Variants in ATXN3 observed in about 807,000 individuals in gnomAD.
ATXN3 encodes ataxin-3.
A neutral mutation model predicts 58.2 loss-of-function variants in ATXN3; 28 were observed. The observed-to-expected ratio is 0.48, with a 90% confidence interval of 0.36 to 0.66. ATXN3 has a LOEUF of 0.66. Among genes scored for constraint, ATXN3 ranks in the 30% least tolerant of loss-of-function variants. The pLI is 0.00. For missense variants in ATXN3, 321 were observed against 422.1 expected, an observed-to-expected ratio of 0.76 and a Z score of 2.10; for synonymous variants, 113 against 138.5, an observed-to-expected ratio of 0.82 and a Z score of 1.29.
At chr14:92,077,710 A>C (rs2060668091) in intron 9 of ATXN3, 1 of 150,334 alleles carries the variant, frequency 6.7e-6, no homozygotes, top group Non-Finnish European at 1.5e-5. Context: ...CAGTGGCACA[A>C]TCTCGGCTCA....
intron 9 of ATXN3, among the ~76,000 whole-genome samples, chr14:92,073,238 G>T (rs1184745122): frequency 6.6e-6 from 1 of 152,226 alleles, no homozygotes; most frequent in African/African-American, 2.4e-5. Context: ...TTGAAACAAT[G>T]TAGACACCTT....
chr14:92,058,678 A>G lies in ATXN3; in HGVS notation c.*5642T>C, dbSNP rs1432918680. 6.6e-6 allele frequency: 1 copy of G among 152,250 alleles called. No homozygotes were observed. Among genetic ancestry groups the G allele is most frequent in the African/African-American group, 2.4e-5 (1 of 41,470 alleles). The allele number at this position is 152,250 out of a possible 1,614,324, so 9.4% of individuals were successfully genotyped here. ...TGGAAGCCCGGCTTTTCTAACGACC[A>G]GACAGGAAGGCCTGTGTGTGTAATA... On this transcript the variant is annotated 3_prime_UTR_variant, in exon 11 of 11. Coordinates refer to ENST00000644486, the MANE Select transcript of ATXN3 (RefSeq NM_004993.6).
At chr14:92,098,420 T>C (rs1407898525) in intron 1 of ATXN3, among the ~76,000 whole-genome samples, 2 of 152,118 alleles carry the variant, frequency 1.3e-5, no homozygotes, top group Non-Finnish European at 2.9e-5. Flanking sequence ...AAACCTCGTC[T>C]CTACTAAAAA....
At position 92,083,157 on chromosome 14, in the gene ATXN3, C is replaced by A; in HGVS notation, c.577G>T (p.Gly193Ter). 1 of 1,612,744 alleles carries A rather than the reference C, an allele frequency of 6.2e-7. No individual in the cohort carries two copies. Among genetic ancestry groups the A allele is most frequent in the Non-Finnish European group, 8.5e-7 (1 of 1,179,736 alleles). Residue 193 changes from glycine to a stop codon, truncating the protein, a stop_gained, in exon 7 of 11, where the codon GGA becomes TGA. Coordinates refer to ENST00000644486, the MANE Select transcript of ATXN3 (RefSeq NM_004993.6). LOFTEE classifies it high-confidence loss of function. ...TCTTTTAGTTGTGCTAATTCTTCTCCAATAAGTTTTGGTCGATGCATCTGT... is the reference window on the plus strand; with the variant it reads ...TCTTTTAGTTGTGCTAATTCTTCTCAAATAAGTTTTGGTCGATGCATCTGT... ...VQQMHRPKLI[G>*]EELAQLKEQR...
At chr14:92,075,101 T>C (rs144263831) in intron 9 of ATXN3, among the ~76,000 whole-genome samples, 1 of 152,082 alleles carries the variant, frequency 6.6e-6, no homozygotes, top group African/African-American at 2.4e-5. Context: ...GGAAAAAATG[T>C]CATGGCTTGA....
At position 92,066,473 on chromosome 14, in the gene ATXN3, T is replaced by C. The variant is rs2058420784; in HGVS notation, c.992-2059A>G. ...AAATTACTTCTTTTATCATTTCTTT[T>C]CTGTTTAGAGAAATTCCTTTAGCCA... On this transcript the variant is annotated intron_variant, in intron 10 of 10. Coordinates refer to ENST00000644486, the MANE Select transcript of ATXN3 (RefSeq NM_004993.6). Among the ~76,000 whole-genome samples the C allele has an allele frequency of 3.3e-5, 5 of 151,370 alleles. No homozygotes were observed. In the South Asian group the frequency reaches 1.0e-3, roughly 32 times the overall value.
upstream of ATXN3, among the ~76,000 whole-genome samples, chr14:92,050,798 G>A (rs1314654744): frequency 6.6e-6 from 1 of 152,134 alleles, no homozygotes; most frequent in Non-Finnish European, 1.5e-5. Flanking sequence ...TTACAAACGT[G>A]CACCACCACA....
intron 1 of ATXN3, 61 bp downstream of exon 1, chr14:92,106,468 T>C (rs1245689396): frequency 2.6e-5 from 42 of 1,608,248 alleles, no homozygotes; most frequent in Non-Finnish European, 2.4e-5. Flanking sequence ...GAGGCGGTGA[T>C]GCCGCGCTCC....
chr14:92,080,422 A>C (rs948142353), intron 9 of ATXN3: 2 of 153,284 alleles, frequency 1.3e-5, no homozygotes, highest in Non-Finnish European at 2.9e-5. Flanking sequence ...TTCTTTTAAT[A>C]AATGAAATTT....
chr14:92,065,302 T>A (rs1260530198), intron 10 of ATXN3, among the ~76,000 whole-genome samples: 1 of 152,244 alleles, frequency 6.6e-6, no homozygotes, highest in Non-Finnish European at 1.5e-5. Context: ...TTCTTTTTAA[T>A]CCTGACAGTA....
chr14:92,097,889 A>C (rs1361951834), intron 1 of ATXN3, among the ~76,000 whole-genome samples: 1 of 152,158 alleles, frequency 6.6e-6, no homozygotes, highest in Non-Finnish European at 1.5e-5. Context: ...TAACATAGGT[A>C]CATGCATTTT....
chr14:92,106,336 G>A (rs892499041), intron 1 of ATXN3, among the ~76,000 whole-genome samples, 193 bp downstream of exon 1: 9 of 151,754 alleles, frequency 5.9e-5, no homozygotes, highest in Non-Finnish European at 1.0e-4. Context: ...CGGGGGCCGC[G>A]GGGGAAGTAG....
chr14:92,080,337 A>G (rs1329034416), intron 9 of ATXN3, among the ~76,000 whole-genome samples: 3 of 152,144 alleles, frequency 2.0e-5, no homozygotes, highest in Admixed American at 6.5e-5. Flanking sequence ...GGAATTTTGC[A>G]GGGTTAATCA....
rs1454006579 is a variant in ATXN3 at position 92,061,573 on chromosome 14, TA to T, written c.*2746del. The T allele has an allele frequency of 7.2e-5, 11 of 152,332 alleles. No individual in the cohort carries two copies. The highest frequency in any genetic ancestry group is 6.5e-4 in the Admixed American group (10 of 15,302). 9.4% of individuals were successfully genotyped at this position (152,332 alleles called of 1,614,324 possible). On this transcript the variant is annotated 3_prime_UTR_variant, in exon 11 of 11. Transcript: ENST00000644486. The stretch of plus-strand genomic sequence containing the variant: ...TTATACATTAGAAAAATGATACCAA[TA>T]GTTTAAATATTAAACATTAAGATGT...
chr14:92,073,210 G>A (rs563330768), intron 9 of ATXN3, among the ~76,000 whole-genome samples: 36 of 152,310 alleles, frequency 2.4e-4, no homozygotes, highest in African/African-American at 8.2e-4. Context: ...AAAATGAGAA[G>A]TAAATCAATT....
At position 92,096,692 on chromosome 14, in the gene ATXN3, A is replaced by C; in HGVS notation, c.171T>G (p.Asp57Glu). Residue 57 changes from aspartate to glutamate, a missense_variant, in exon 2 of 11, where the codon GAT (aspartate) becomes GAG (glutamate). Physicochemically the swap from Asp to Glu is conservative, Grantham distance 45 (BLOSUM62 2). Coordinates refer to ENST00000644486, the MANE Select transcript of ATXN3 (RefSeq NM_004993.6). ...RMAEGGVTSEDYRTFLQQPSG... is the reference protein window; with the variant it reads ...RMAEGGVTSEEYRTFLQQPSG... The stretch of plus-strand genomic sequence containing the variant: ...TCAGTACCTGTAAAAACGTGCGATA[A>C]TCTTCACTAGTAACTCCTCCTTCTG... 1 of 1,613,094 alleles carries C rather than the reference A, an allele frequency of 6.2e-7. No homozygotes were observed. Among genetic ancestry groups the C allele is most frequent in the Non-Finnish European group, 8.5e-7 (1 of 1,179,830 alleles).
At chr14:92,093,491 G>T in intron 4 of ATXN3, 173 bp from the exon 5 acceptor site, 1 of 619,748 alleles carries the variant, frequency 1.6e-6, no homozygotes. Flanking sequence ...GCAGCTTAGT[G>T]ATGCTGTGCC....
At position 92,061,438 on chromosome 14, in the gene ATXN3, C is replaced by T. The variant is rs1388118320; in HGVS notation, c.*2882G>A. The T allele has an allele frequency of 6.6e-6, 1 of 152,096 alleles. No individual in the cohort carries two copies. Among genetic ancestry groups the T allele is most frequent in the Admixed American group, 6.5e-5 (1 of 15,276 alleles). The allele number at this position is 152,096 out of a possible 1,614,324, so 9.4% of individuals were successfully genotyped here. ...GATTAACTATTCTGAATTTTAAAAACATAAATTACTCATTAAATCCATGAC... is the reference window on the plus strand; with the variant it reads ...GATTAACTATTCTGAATTTTAAAAATATAAATTACTCATTAAATCCATGAC... On this transcript the variant is annotated 3_prime_UTR_variant, in exon 11 of 11. Coordinates refer to ENST00000644486, the MANE Select transcript of ATXN3 (RefSeq NM_004993.6).
chr14:92,075,090 TG>T (rs960050229), intron 9 of ATXN3, among the ~76,000 whole-genome samples: 5 of 151,708 alleles, frequency 3.3e-5, no homozygotes, highest in Admixed American at 3.3e-4. Context: ...AGACTACTGC[TG>T]GAAAAAATGT....
Sources: gnomAD v4.1 joint callset for allele counts (sites outside exome capture counted in the v4.1 genomes callset) on GRCh38, gnomAD v4.1.1 for gene constraint, MANE v1.5 for transcripts, NCBI Gene and HGNC (gene_info 2026-07-23, HGNC 2026-07-21) for gene names.